The following R3HDM4 variants were observed in gnomAD, a reference collection of about 807,000 sequenced individuals.
R3HDM4 encodes the protein R3H domain containing 4.
A neutral mutation model predicts 31.3 loss-of-function variants in R3HDM4; 30 were observed. The observed-to-expected ratio is 0.96, with a 90% CI of 0.72 to 1.30. The LOEUF (loss-of-function observed/expected upper bound fraction) is 1.30. Among genes scored for constraint, R3HDM4 ranks in the 50% most tolerant of loss-of-function variants. The pLI is 0.00. For missense variants in R3HDM4, 444 were observed against 366.1 expected (o/e 1.21, Z -1.74); for synonymous variants, 196 against 156.6 (o/e 1.25, Z -1.88).
Position 896,724 on chromosome 19 carries a change from TG to T in R3HDM4, c.*712del, listed in dbSNP as rs1296325179. 1.3e-5 allele frequency: 2 copies of T among 152,464 alleles called. No individual in the cohort carries two copies. The highest frequency in any genetic ancestry group is 2.9e-5 in the Non-Finnish European group (2 of 68,030). The allele number at this position is 152,464 out of a possible 1,614,324, so 9.4% of individuals were successfully genotyped here. A position where few individuals can be genotyped will look rare whatever the true frequency, so the allele number is the denominator to read the frequency against. The stretch of plus-strand genomic sequence containing the variant: ...TAGTGCAAGGGCAGAGGCTTCTGGC[TG>T]GAAGTCCTGGACCCCCAGCATAAAG... On this transcript the variant is annotated 3_prime_UTR_variant, in exon 8 of 8. Coordinates refer to ENST00000361574, the MANE Select transcript of R3HDM4 (RefSeq NM_138774.4). This position sits in a 1 kb window ranked among gnomAD's most constrained non-coding sequence, Gnocchi z 4.0.
At chr19:910,748 G>T (rs1440295569) in intron 1 of R3HDM4, among the ~76,000 whole-genome samples, 4 of 152,150 alleles carry the variant, frequency 2.6e-5, no homozygotes, top group Non-Finnish European at 5.9e-5. Flanking sequence ...CCTCGGTAGA[G>T]ATGGGTATGG....
intron 7 of R3HDM4, among the ~76,000 whole-genome samples, chr19:898,065 C>T (rs962905798): frequency 5.5e-4 from 83 of 152,042 alleles, no homozygotes; most frequent in African/African-American, 1.9e-3. Context: ...GTCAGGAGGT[C>T]GAGACCAGCC....
chr19:906,621 T>C (rs1039378823), intron 1 of R3HDM4, among the ~76,000 whole-genome samples: 1 of 152,114 alleles, frequency 6.6e-6, no homozygotes, highest in African/African-American at 2.4e-5. Context: ...TCCCCTCATC[T>C]CAGCTGCCAC....
chr19:898,112 C>T (rs986536214), intron 7 of R3HDM4, among the ~76,000 whole-genome samples: 6 of 151,814 alleles, frequency 4.0e-5, no homozygotes, highest in African/African-American at 1.5e-4. Flanking sequence ...TAGGGCTGGG[C>T]GCGGTGGCTT....
At chr19:901,933 A>C (rs772024461) in intron 2 of R3HDM4, 43 bp downstream of exon 2, 1 of 1,608,336 alleles carries the variant, frequency 6.2e-7, no homozygotes. Flanking sequence ...CCATTCTACA[A>C]GGCCCAGGAG....
At chr19:897,965 C>T (rs1425542375) in intron 7 of R3HDM4, among the ~76,000 whole-genome samples, 1 of 152,156 alleles carries the variant, frequency 6.6e-6, no homozygotes, top group African/African-American at 2.4e-5. Flanking sequence ...CTCCCCCTCA[C>T]TGCAGAAAAA....
Position 899,576 on chromosome 19 carries a change from C to A in R3HDM4, c.647+25G>T. On this transcript the variant is annotated intron_variant, in intron 6 of 7. Coordinates refer to ENST00000361574, the MANE Select transcript of R3HDM4 (RefSeq NM_138774.4). The surrounding 1 kb of genome is among the most constrained non-coding windows in gnomAD (Gnocchi z 6.8). ...CACCTGGCCGCAGCCTCGGAGGGTC[C>A]GCTCGCCTGGCCGCCCCCCCTTACC... 6.2e-7 allele frequency: 1 copy of A among 1,612,048 alleles called. No individual in the cohort carries two copies. The highest frequency in any genetic ancestry group is 1.1e-5 in the South Asian group (1 of 91,000).
chr19:913,116 C>CGCCGCCTCCGG lies in R3HDM4; in HGVS notation c.31_41dup (p.Glu15ArgfsTer23). The CGCCGCCTCCGG allele has an allele frequency of 2.8e-6, 3 of 1,082,752 alleles. No individual in the cohort carries two copies. Among genetic ancestry groups the CGCCGCCTCCGG allele is most frequent in the Non-Finnish European group, 3.4e-6 (3 of 893,270 alleles). 67.1% of individuals were successfully genotyped at this position (1,082,752 alleles called of 1,614,324 possible). ...GCCGCCGCCCGCCCGGGGTGCCCTCCGCCGCCTCCGGGCCGCACTCGGGGT... is the reference window on the plus strand; with the variant it reads ...GCCGCCGCCCGCCCGGGGTGCCCTCCGCCGCCTCCGGGCCGCCTCCGGGCCGCACTCGGGGT... On this transcript the variant is annotated frameshift_variant, in exon 1 of 8. Transcript: ENST00000361574. LOFTEE classifies it high-confidence loss of function. This position sits in a 1 kb window ranked among gnomAD's most constrained non-coding sequence, Gnocchi z 5.0.
At chr19:905,574 A>G (rs2145296466) in intron 1 of R3HDM4, among the ~76,000 whole-genome samples, 1 of 150,342 alleles carries the variant, frequency 6.7e-6, no homozygotes, top group East Asian at 2.0e-4. Flanking sequence ...AATCCTAGCT[A>G]CTCGGGAGGC....
At chr19:898,819 G>A (rs1338984243) in intron 7 of R3HDM4, among the ~76,000 whole-genome samples, 1 of 152,088 alleles carries the variant, frequency 6.6e-6, no homozygotes. Context: ...CAGGCATGGG[G>A]GCTGCGTCTC....
intron 7 of R3HDM4, among the ~76,000 whole-genome samples, chr19:897,796 T>C (rs922235077): frequency 6.6e-6 from 1 of 152,210 alleles, no homozygotes; most frequent in Admixed American, 6.5e-5. Flanking sequence ...ACTGTGCGGA[T>C]GGGGACCCTG....
chr19:899,663 C>A lies in R3HDM4; in HGVS notation c.585G>T (p.Glu195Asp), dbSNP rs184736909. The A allele has an allele frequency of 1.2e-6, 2 of 1,602,202 alleles. No individual in the cohort carries two copies. Among genetic ancestry groups the A allele is most frequent in the African/African-American group, 2.7e-5 (2 of 74,452 alleles). The change falls in exon 6 of 8, where the codon GAG becomes GAT. Residue 195 changes from glutamate to aspartate, a missense_variant. By Grantham distance (45) the Glu-to-Asp change is conservative (BLOSUM62 2). Transcript: ENST00000361574. The surrounding 1 kb of genome is among the most constrained non-coding windows in gnomAD (Gnocchi z 6.8). ...ACACGGAGAAGAACCGAAGCAGCCG[C>A]TCCTCCCAGGTCTCCAGCGTTTCCT... Reference protein sequence around the residue: ...IPMETLETWEERLLRFFSVSP... With the variant: ...IPMETLETWEDRLLRFFSVSP...
At chr19:905,436 C>T (rs1233861595) in intron 1 of R3HDM4, among the ~76,000 whole-genome samples, 4 of 147,626 alleles carry the variant, frequency 2.7e-5, no homozygotes, top group South Asian at 2.1e-4. Context: ...ACCCAGGAGA[C>T]GGAGGTTGCG....
In R3HDM4 at chr19:899,787, T is replaced by G. The variant is rs2036801342; in HGVS notation, c.562-101A>C. 1 of 941,876 alleles carries G rather than the reference T, an allele frequency of 1.1e-6. No individual in the cohort carries two copies. 58.3% of individuals were successfully genotyped at this position (941,876 alleles called of 1,614,324 possible). ...GAGCCCACAGCGCTGGGCTCAAACA[T>G]GACCTCTGACCCACCACGTGAGGCT... On this transcript the variant is annotated intron_variant, in intron 5 of 7. Transcript: ENST00000361574. The surrounding 1 kb of genome is among the most constrained non-coding windows in gnomAD (Gnocchi z 6.8).
rs1044551809 is a variant in R3HDM4, at chr19:913,047, C to G, written c.71+40G>C. On this transcript the variant is annotated intron_variant, in intron 1 of 7. Coordinates refer to ENST00000361574, the MANE Select transcript of R3HDM4 (RefSeq NM_138774.4). This position sits in a 1 kb window ranked among gnomAD's most constrained non-coding sequence, Gnocchi z 5.0. ...GGATCTCAGGGGAGGGAGCCCAGCC[C>G]GCCCCCGGCGCCCGCCGCGCCCCGC... The G allele has an allele frequency of 3.6e-6, 3 of 826,814 alleles. No individual in the cohort carries two copies. In the African/African-American group the frequency reaches 5.6e-5, roughly 15 times the overall value. 51.2% of individuals were successfully genotyped at this position (826,814 alleles called of 1,614,324 possible).
At chr19:906,940 C>G (rs370584953) in intron 1 of R3HDM4, among the ~76,000 whole-genome samples, 1 of 152,160 alleles carries the variant, frequency 6.6e-6, no homozygotes, top group Non-Finnish European at 1.5e-5. Flanking sequence ...CTCAGCCTCC[C>G]GAGTAGCTGG....
intron 7 of R3HDM4, 114 bp from the exon 8 acceptor site, chr19:897,654 G>T: frequency 1.3e-6 from 1 of 797,094 alleles, no homozygotes. Flanking sequence ...CCGCCAGCTG[G>T]TGTGTGCTGG....
intron 1 of R3HDM4, among the ~76,000 whole-genome samples, chr19:912,667 G>A (rs1465103566): frequency 8.4e-5 from 10 of 119,704 alleles, no homozygotes; most frequent in African/African-American, 2.5e-4. Context: ...GAGTTGGGGG[G>A]CGGACCCGGA....
At position 901,478 on chromosome 19, in the gene R3HDM4, G is replaced by A; in HGVS notation, c.295C>T (p.Pro99Ser). Residue 99 changes from proline (P) to serine (S), a missense_variant, in exon 3 of 8, where the codon CCC becomes TCC. Coordinates refer to ENST00000361574, the MANE Select transcript of R3HDM4 (RefSeq NM_138774.4). Reference sequence around the variant, plus strand: ...GCAAAGATGCCTGGTGATGCAGGGGGTGCCAAGTCCCCATCCTCCAGGCCA... The same window carrying A: ...GCAAAGATGCCTGGTGATGCAGGGGATGCCAAGTCCCCATCCTCCAGGCCA... ...LPGLEDGDLA[P>S]PASPGIFAEA... is the part of the protein sequence containing the mutation. 1.9e-6 allele frequency: 3 copies of A among 1,609,596 alleles called. No individual in the cohort carries two copies. The highest frequency in any genetic ancestry group is 2.5e-6 in the Non-Finnish European group (3 of 1,179,700).
Sources: allele counts gnomAD v4.1 joint callset (sites outside exome capture counted in the v4.1 genomes callset), GRCh38; gene constraint gnomAD v4.1.1; non-coding constraint Gnocchi (gnomAD v3.1); transcripts MANE v1.5; gene names NCBI Gene and HGNC (gene_info 2026-07-23, HGNC 2026-07-21).